Variants in HOMER2 observed in about 807,000 individuals in gnomAD.
The protein encoded by HOMER2 is homer protein homolog 2.
In HOMER2, 27 loss-of-function variants were observed where a neutral mutation model predicts 47.0. That is an observed-to-expected ratio of 0.57 (90% CI 0.42 to 0.79). The LOEUF is 0.79. HOMER2 is among the 30% of genes least tolerant of loss of function. The pLI is 0.00. For missense variants in HOMER2, 443 were observed against 435.0 expected, an observed-to-expected ratio of 1.02 and a Z score of -0.16; for synonymous variants, 161 against 163.8, an observed-to-expected ratio of 0.98 and a Z score of 0.13.
chr15:82,867,850 A>G (rs923403471), intron 3 of HOMER2, among the ~76,000 whole-genome samples: 1 of 152,192 alleles, frequency 6.6e-6, no homozygotes, highest in Non-Finnish European at 1.5e-5. Context: ...TAATTCCAGC[A>G]TTGTCTACAA....
At chr15:82,851,022 C>G in intron 8 of HOMER2, 129 bp downstream of exon 8, 3 of 703,810 alleles carry the variant, frequency 4.3e-6, no homozygotes, top group South Asian at 1.8e-5. Flanking sequence ...TCACTGCCAG[C>G]TTTTTGTGAA....
chr15:82,876,723 A>G (rs551407905), intron 2 of HOMER2, among the ~76,000 whole-genome samples: 49 of 152,378 alleles, frequency 3.2e-4, no homozygotes, highest in Middle Eastern at 3.4e-3. Context: ...CTCAATGGTC[A>G]ACTCAGAACA....
intron 1 of HOMER2, among the ~76,000 whole-genome samples, chr15:82,927,895 G>A (rs1240434908): frequency 1.3e-5 from 2 of 151,600 alleles, no homozygotes; most frequent in East Asian, 1.9e-4. Context: ...GATTGAAACC[G>A]GGAGGCGGAA....
At chr15:82,889,363 G>C (rs947081416) in intron 2 of HOMER2, among the ~76,000 whole-genome samples, 12 of 152,236 alleles carry the variant, frequency 7.9e-5, no homozygotes, top group Admixed American at 7.9e-4. Flanking sequence ...CGTGCAGCTG[G>C]GCAGGGAGCA....
chr15:82,891,225 A>C (rs1276241055), intron 2 of HOMER2, among the ~76,000 whole-genome samples: 1 of 152,136 alleles, frequency 6.6e-6, no homozygotes, highest in Non-Finnish European at 1.5e-5. Context: ...CTGGTGTGCA[A>C]ATAACTGGGC....
chr15:82,871,604 T>C (rs1041291892), intron 3 of HOMER2, among the ~76,000 whole-genome samples: 1 of 152,248 alleles, frequency 6.6e-6, no homozygotes, highest in Non-Finnish European at 1.5e-5. Context: ...AGGGGTTATC[T>C]GAGGGCTTCT....
intron 1 of HOMER2, among the ~76,000 whole-genome samples, chr15:82,916,201 C>T (rs1017343003): frequency 1.3e-4 from 20 of 152,186 alleles, no homozygotes; most frequent in Admixed American, 5.9e-4. Flanking sequence ...AATATTCAGC[C>T]AACACTCGGA....
intron 1 of HOMER2, among the ~76,000 whole-genome samples, chr15:82,904,993 T>A (rs976354473): frequency 6.6e-6 from 1 of 152,186 alleles, no homozygotes; most frequent in African/African-American, 2.4e-5. Context: ...GGAATTTTTT[T>A]AAATGATTAA....
At chr15:82,951,327 T>C (rs2054501022) in intron 1 of HOMER2, among the ~76,000 whole-genome samples, 1 of 152,178 alleles carries the variant, frequency 6.6e-6, no homozygotes, top group Admixed American at 6.5e-5. Flanking sequence ...AAAATTCCTC[T>C]TGGCCTGCCT....
chr15:82,944,213 T>G (rs906407919), intron 1 of HOMER2, among the ~76,000 whole-genome samples: 5 of 152,174 alleles, frequency 3.3e-5, no homozygotes, highest in Non-Finnish European at 5.9e-5. Flanking sequence ...GTCTTCATCA[T>G]GCATTCAGAG....
At chr15:82,929,959 C>T (rs973476329) in intron 1 of HOMER2, among the ~76,000 whole-genome samples, 13 of 151,948 alleles carry the variant, frequency 8.6e-5, no homozygotes, top group Middle Eastern at 3.2e-3. Flanking sequence ...TGAACTCCGA[C>T]CTCCAGTGAT....
Position 82,866,676 on chromosome 15 carries a change from C to T in HOMER2, c.295-2417G>A, listed in dbSNP as rs1567022197. Among the ~76,000 whole-genome samples the T allele has an allele frequency of 2.6e-5, 4 of 152,162 alleles. No homozygotes were observed. In the South Asian group the frequency reaches 8.3e-4, roughly 32 times the overall value. ...ATCATCGGGGCGGGTCTCTCCTGTG[C>T]TGTTCTTATGATAGTGAATAAGTCT... On this transcript the variant is annotated intron_variant, in intron 3 of 8. Transcript: ENST00000450735.
intron 1 of HOMER2, among the ~76,000 whole-genome samples, chr15:82,899,411 C>A (rs1158904188): frequency 6.6e-6 from 1 of 152,216 alleles, no homozygotes; most frequent in African/African-American, 2.4e-5. Context: ...GGTCAACAGG[C>A]TACGCCAGCC....
rs184569208 is a variant in HOMER2, at chr15:82,902,267, G to A, written c.6-9426C>T. On this transcript the variant is annotated intron_variant, in intron 1 of 8. Coordinates refer to ENST00000450735, the MANE Select transcript of HOMER2 (RefSeq NM_004839.4). ...GGCTGTAATGCAGTGGTGCAATCTC[G>A]GCTCACTGCAACCTCTGCCTCCCAG... 3.4e-4 allele frequency among the ~76,000 whole-genome samples: 49 copies of A among 144,980 alleles called. No individual in the cohort carries two copies. The East Asian group carries it at 3.8e-3, about 11-fold the overall frequency.
At position 82,892,851 on chromosome 15, in the gene HOMER2, G is replaced by C. The variant is rs776579994; in HGVS notation, c.6-10C>G. ...GAAGATGGGCTGTTCTCTGCAATAA[G>C]AGAGTGGGCGTGTGAGTTGAGAGAA... On this transcript the variant is annotated splice_polypyrimidine_tract_variant and intron_variant, in intron 1 of 8. Coordinates refer to ENST00000450735, the MANE Select transcript of HOMER2 (RefSeq NM_004839.4). 5 of 1,541,766 alleles carry C rather than the reference G, an allele frequency of 3.2e-6. No homozygotes were observed. Among genetic ancestry groups the C allele is most frequent in the Non-Finnish European group, 4.4e-6 (5 of 1,132,424 alleles).
intron 1 of HOMER2, among the ~76,000 whole-genome samples, chr15:82,939,101 G>C (rs1406023712): frequency 6.6e-6 from 1 of 152,204 alleles, no homozygotes; most frequent in Non-Finnish European, 1.5e-5. Context: ...TTGAGTGTTA[G>C]AGCTGAATTT....
rs562749296 is a variant in HOMER2, at chr15:82,849,693, G to A, written c.*22C>T. 1.8e-5 allele frequency: 29 copies of A among 1,604,720 alleles called. No individual in the cohort carries two copies. The highest frequency in any genetic ancestry group is 3.3e-5 in the South Asian group (3 of 90,022). ...GCACACACGCTTGGGACTCACGGGCGGGGCCTGGGCCTCGGCCAGCCCTAG... is the reference window on the plus strand; with the variant it reads ...GCACACACGCTTGGGACTCACGGGCAGGGCCTGGGCCTCGGCCAGCCCTAG... On this transcript the variant is annotated 3_prime_UTR_variant, in exon 9 of 9. Coordinates refer to ENST00000450735, the MANE Select transcript of HOMER2 (RefSeq NM_004839.4).
intron 3 of HOMER2, among the ~76,000 whole-genome samples, chr15:82,866,171 C>A (rs932719819): frequency 1.3e-5 from 2 of 152,176 alleles, no homozygotes; most frequent in African/African-American, 4.8e-5. Flanking sequence ...CAGAGCTGCC[C>A]AAGACCATGG....
At chr15:82,905,462 G>A (rs112463269) in intron 1 of HOMER2, among the ~76,000 whole-genome samples, 1,793 of 151,942 alleles carry the variant, frequency 0.012, 18 homozygotes, top group Non-Finnish European at 0.019. Context: ...ACAGATCCAG[G>A]AAGCTCAGAG....
Sources: gnomAD v4.1 joint callset for allele counts (sites outside exome capture counted in the v4.1 genomes callset) on GRCh38, gnomAD v4.1.1 for gene constraint, MANE v1.5 for transcripts, NCBI Gene and HGNC (gene_info 2026-07-23, HGNC 2026-07-21) for gene names.